MACROD2: variants seen among roughly 807,000 people sequenced by gnomAD.
MACROD2 encodes the protein mono-ADP ribosylhydrolase 2.
MACROD2 carries 36 observed loss-of-function variants against 70.4 expected under a neutral mutation model. That is an observed-to-expected ratio of 0.51 (90% CI 0.39 to 0.68). The LOEUF is 0.68. Ranked by LOEUF, MACROD2 falls within the 30% of genes least tolerant of loss-of-function variation. MACROD2 has a pLI of 0.00. For missense variants in MACROD2, 496 were observed against 538.4 expected, an observed-to-expected ratio of 0.92 and a Z score of 0.78; for synonymous variants, 172 against 178.8, an observed-to-expected ratio of 0.96 and a Z score of 0.30.
chr20:14,649,758 C>T (rs1985581308), intron 4 of MACROD2, among the ~76,000 whole-genome samples: 1 of 152,102 alleles, frequency 6.6e-6, no homozygotes, highest in South Asian at 2.1e-4. Flanking sequence ...GCCCTGGGTA[C>T]ATTGTGCTGG....
At chr20:15,480,511 C>G (rs1166146529) in intron 7 of MACROD2, among the ~76,000 whole-genome samples, 3 of 152,058 alleles carry the variant, frequency 2.0e-5, no homozygotes, top group African/African-American at 7.2e-5. Flanking sequence ...TAGCACAATT[C>G]CCTTGTTCAC....
chr20:15,210,552 G>GTTTTTTTTTTTTTTTTTTTTTGTT (rs11333280), intron 5 of MACROD2, among the ~76,000 whole-genome samples: 1 of 121,626 alleles, frequency 8.2e-6, no homozygotes, highest in African/African-American at 3.2e-5. Flanking sequence ...CTTTTCTTCT[G>GTTTTTTTTTTTTTTTTTTTTTGTT]TTTTTTTTTT....
Position 14,493,474 on chromosome 20 carries a change from A to G in MACROD2, c.272-5A>G. On this transcript the variant is annotated splice_polypyrimidine_tract_variant and splice_region_variant and intron_variant, in intron 3 of 17. Coordinates refer to ENST00000684519, the MANE Select transcript of MACROD2 (RefSeq NM_001351661.2). ...ATGTCTTTTGTTGTGTTTTGTTTTA[A>G]ACAGCAAATGCCAGTCTTCTTGGAG... 1.2e-6 allele frequency: 2 copies of G among 1,607,852 alleles called. No individual in the cohort carries two copies. The highest frequency in any genetic ancestry group is 1.1e-5 in the South Asian group (1 of 90,658).
intron 6 of MACROD2, among the ~76,000 whole-genome samples, chr20:15,275,422 A>C (rs1359116295): frequency 6.6e-6 from 1 of 152,210 alleles, no homozygotes; most frequent in Non-Finnish European, 1.5e-5. Context: ...GCTTTTGAGA[A>C]GAGCCCTCTG....
intron 9 of MACROD2, among the ~76,000 whole-genome samples, chr20:15,864,249 A>C (rs1025841540): frequency 1.3e-5 from 2 of 151,852 alleles, no homozygotes; most frequent in Non-Finnish European, 2.9e-5. Context: ...TCCTTGCTCC[A>C]TTTTTCCTTT....
intron 8 of MACROD2, 95 bp downstream of exon 8, chr20:15,499,942 T>A: frequency 8.4e-7 from 1 of 1,185,698 alleles, no homozygotes; most frequent in Non-Finnish European, 1.2e-6. Context: ...AAATATCAAC[T>A]ACACCTAGTC....
At chr20:14,046,524 C>T (rs754155298) in intron 2 of MACROD2, among the ~76,000 whole-genome samples, 3 of 152,058 alleles carry the variant, frequency 2.0e-5, no homozygotes, top group Non-Finnish European at 4.4e-5. Flanking sequence ...TCTCCAGTAA[C>T]CCAGGAATTC....
chr20:14,379,409 C>T (rs1048391367), intron 3 of MACROD2, among the ~76,000 whole-genome samples: 10 of 151,998 alleles, frequency 6.6e-5, no homozygotes, highest in Non-Finnish European at 1.0e-4. Context: ...GTATACAATT[C>T]GATGGGTTTT....
chr20:14,182,310 A>AT (rs2081311226), intron 3 of MACROD2, among the ~76,000 whole-genome samples: 1 of 151,946 alleles, frequency 6.6e-6, no homozygotes, highest in Admixed American at 6.6e-5. Flanking sequence ...TTCTTTACCC[A>AT]TTTTTTGTTG....
chr20:15,467,502 A>G (rs935501495), intron 7 of MACROD2, among the ~76,000 whole-genome samples: 1 of 152,172 alleles, frequency 6.6e-6, no homozygotes, highest in African/African-American at 2.4e-5. Flanking sequence ...CGTTTTACAG[A>G]TGAGAAAACT....
At chr20:15,758,487 G>T (rs921557527) in intron 8 of MACROD2, among the ~76,000 whole-genome samples, 1 of 151,002 alleles carries the variant, frequency 6.6e-6, no homozygotes, top group African/African-American at 2.4e-5. Flanking sequence ...TGATCCGACT[G>T]CCTCAGCCTC....
intron 3 of MACROD2, among the ~76,000 whole-genome samples, chr20:14,176,509 C>G (rs2081264528): frequency 1.3e-5 from 2 of 152,158 alleles, no homozygotes; most frequent in Non-Finnish European, 1.5e-5. Flanking sequence ...TATAAGTTCA[C>G]CATTGTAATA....
intron 5 of MACROD2, among the ~76,000 whole-genome samples, chr20:14,745,379 C>T (rs2071786814): frequency 6.6e-6 from 1 of 152,084 alleles, no homozygotes; most frequent in Non-Finnish European, 1.5e-5. Context: ...TCTAAGCAGC[C>T]ACCTAACATG....
At chr20:14,279,144 A>T (rs1198643914) in intron 3 of MACROD2, among the ~76,000 whole-genome samples, 1 of 152,226 alleles carries the variant, frequency 6.6e-6, no homozygotes, top group African/African-American at 2.4e-5. Context: ...GGGGTACTAA[A>T]GGCTTATCAC....
chr20:15,416,640 C>T (rs1030375317), intron 6 of MACROD2, among the ~76,000 whole-genome samples: 4 of 152,130 alleles, frequency 2.6e-5, no homozygotes, highest in East Asian at 1.9e-4. Context: ...CAAGGTGGCT[C>T]ACGCCTGTAA....
At chr20:15,904,742 G>A (rs1350765954) in intron 10 of MACROD2, among the ~76,000 whole-genome samples, 1 of 151,956 alleles carries the variant, frequency 6.6e-6, no homozygotes, top group African/African-American at 2.4e-5. Context: ...TTAGCCGGGC[G>A]TGGTGGCTGG....
intron 3 of MACROD2, among the ~76,000 whole-genome samples, chr20:14,133,993 CCA>C (rs1569173358): frequency 1.3e-5 from 2 of 152,230 alleles, no homozygotes; most frequent in Non-Finnish European, 2.9e-5. Flanking sequence ...CATTCTAACT[CCA>C]GAGTTCCCTG....
intron 3 of MACROD2, among the ~76,000 whole-genome samples, chr20:14,430,900 C>T (rs2083987849): frequency 6.6e-6 from 1 of 152,088 alleles, no homozygotes; most frequent in Admixed American, 6.6e-5. Flanking sequence ...GGAAGTCCAG[C>T]CAGAGTCTCA....
chr20:15,423,249 T>C (rs2046253603), intron 6 of MACROD2, among the ~76,000 whole-genome samples: 1 of 152,178 alleles, frequency 6.6e-6, no homozygotes, highest in Admixed American at 6.5e-5. Context: ...TCTACTCCAC[T>C]TGTCTGTCAG....
Sources: allele counts gnomAD v4.1 joint callset (sites outside exome capture counted in the v4.1 genomes callset), GRCh38; gene constraint gnomAD v4.1.1; transcripts MANE v1.5; gene names NCBI Gene and HGNC (gene_info 2026-07-23, HGNC 2026-07-21).